Variants in RNF180 observed in about 807,000 individuals in gnomAD.
RNF180 encodes ring finger protein 180.
In RNF180, 38 loss-of-function variants were observed where a neutral mutation model predicts 59.2. That is an observed-to-expected ratio of 0.64 (90% confidence interval 0.50 to 0.84). RNF180 has a LOEUF of 0.84. RNF180 is among the 40% of genes least tolerant of loss of function. The pLI is 0.00. For missense variants in RNF180, 705 were observed against 700.9 expected (o/e 1.01, Z -0.07); for synonymous variants, 262 against 240.3 (o/e 1.09, Z -0.84).
intron 5 of RNF180, among the ~76,000 whole-genome samples, chr5:64,274,458 G>C (rs1286505042): frequency 6.6e-6 from 1 of 151,618 alleles, no homozygotes; most frequent in Non-Finnish European, 1.5e-5. Context: ...GGCATGTTTC[G>C]TAATTTATAA....
At chr5:64,255,176 T>C (rs1399606481) in intron 5 of RNF180, among the ~76,000 whole-genome samples, 2 of 152,200 alleles carry the variant, frequency 1.3e-5, no homozygotes, top group African/African-American at 4.8e-5. Flanking sequence ...TGGTATATTT[T>C]ATTTATCCAG....
chr5:64,225,244 A>G (rs1172327334), intron 5 of RNF180, among the ~76,000 whole-genome samples: 1 of 152,230 alleles, frequency 6.6e-6, no homozygotes, highest in Non-Finnish European at 1.5e-5. Context: ...GGCCTTACGC[A>G]TAGGAAAAAC....
intron 7 of RNF180, among the ~76,000 whole-genome samples, chr5:64,356,232 A>AG (rs1746019306): frequency 6.6e-6 from 1 of 151,868 alleles, no homozygotes; most frequent in Non-Finnish European, 1.5e-5. Flanking sequence ...ACTGCACTAC[A>AG]GCCTGGCTGA....
At chr5:64,326,330 T>C (rs952066160) in intron 6 of RNF180, among the ~76,000 whole-genome samples, 3 of 152,156 alleles carry the variant, frequency 2.0e-5, no homozygotes, top group Non-Finnish European at 2.9e-5. Context: ...ATTATTAATA[T>C]GGACAAATTT....
chr5:64,325,357 A>G lies in RNF180; in HGVS notation c.1399A>G (p.Ser467Gly). The G allele has an allele frequency of 6.4e-7, 1 of 1,551,730 alleles. No homozygotes were observed. Among genetic ancestry groups the G allele is most frequent in the South Asian group, 1.2e-5 (1 of 84,062 alleles). ...GACTCTGGCCAAAGACAATCCTTCA[A>G]GCACTCCATGCCCATTGTGTCGGAC... ...LRTLAKDNPS[S>G]TPCPLCRTII... Residue 467 changes from serine (S) to glycine (G), a missense_variant, in exon 6 of 8, where the codon AGC becomes GGC. By Grantham distance (56) the Ser-to-Gly change is moderately conservative. Coordinates refer to ENST00000389100, the MANE Select transcript of RNF180 (RefSeq NM_001113561.2).
intron 1 of RNF180, among the ~76,000 whole-genome samples, chr5:64,199,277 T>C (rs144191828): frequency 5.1e-4 from 78 of 152,340 alleles, no homozygotes; most frequent in African/African-American, 1.7e-3. Context: ...GAGCCAGAGT[T>C]CTTTAAGTCC....
At chr5:64,333,203 A>G (rs2112544245) in intron 7 of RNF180, among the ~76,000 whole-genome samples, 1 of 152,254 alleles carries the variant, frequency 6.6e-6, no homozygotes, top group South Asian at 2.1e-4. Context: ...TTTGAGACAA[A>G]GTCTGGCTCT....
intron 5 of RNF180, among the ~76,000 whole-genome samples, chr5:64,233,049 T>TA (rs1179763100): frequency 6.6e-6 from 1 of 152,208 alleles, no homozygotes; most frequent in Non-Finnish European, 1.5e-5. Context: ...TAAGTTGGCT[T>TA]AAACCATGGG....
At chr5:64,230,832 C>T (rs1561205469) in intron 5 of RNF180, among the ~76,000 whole-genome samples, 1 of 152,168 alleles carries the variant, frequency 6.6e-6, no homozygotes, top group Non-Finnish European at 1.5e-5. Flanking sequence ...CTCTAACTTT[C>T]TTTGGAATTT....
chr5:64,191,425 A>G (rs545543460), intron 1 of RNF180, among the ~76,000 whole-genome samples: 28 of 152,310 alleles, frequency 1.8e-4, no homozygotes, highest in African/African-American at 6.7e-4. Flanking sequence ...TTACTGCCCT[A>G]AAATTCTCCT....
At chr5:64,320,284 A>G (rs1744280965) in intron 5 of RNF180, among the ~76,000 whole-genome samples, 1 of 152,204 alleles carries the variant, frequency 6.6e-6, no homozygotes. Context: ...TGACAACACC[A>G]TGGGAACTCC....
intron 5 of RNF180, among the ~76,000 whole-genome samples, chr5:64,238,885 G>T (rs569608530): frequency 1.6e-4 from 24 of 151,930 alleles, no homozygotes; most frequent in Non-Finnish European, 3.2e-4. Context: ...TGCTTTTGTT[G>T]TCATATTCAT....
intron 5 of RNF180, among the ~76,000 whole-genome samples, chr5:64,219,715 T>C (rs1752812443): frequency 6.6e-6 from 1 of 151,966 alleles, no homozygotes; most frequent in Non-Finnish European, 1.5e-5. Context: ...GAGATGGGGT[T>C]TCACCATGTT....
At chr5:64,272,831 A>G (rs1741495199) in intron 5 of RNF180, among the ~76,000 whole-genome samples, 1 of 151,930 alleles carries the variant, frequency 6.6e-6, no homozygotes, top group Admixed American at 6.6e-5. Flanking sequence ...AGTTAAAGAA[A>G]ATTAAAAGTA....
intron 5 of RNF180, among the ~76,000 whole-genome samples, chr5:64,295,134 A>G (rs953589128): frequency 6.6e-6 from 1 of 152,148 alleles, no homozygotes; most frequent in African/African-American, 2.4e-5. Flanking sequence ...GTAGCATTTC[A>G]TTATGTGAAT....
At chr5:64,309,919 A>G (rs1743677404) in intron 5 of RNF180, among the ~76,000 whole-genome samples, 1 of 151,714 alleles carries the variant, frequency 6.6e-6, no homozygotes, top group African/African-American at 2.4e-5. Flanking sequence ...TTAACAGTCA[A>G]AGGAACAAAG....
intron 5 of RNF180, among the ~76,000 whole-genome samples, chr5:64,269,349 G>T (rs1291478769): frequency 6.6e-6 from 1 of 152,084 alleles, no homozygotes; most frequent in East Asian, 1.9e-4. Context: ...GCAATCTGTT[G>T]TAATTTTAAA....
chr5:64,172,441 C>T (rs569809970), intron 1 of RNF180, among the ~76,000 whole-genome samples: 3 of 151,806 alleles, frequency 2.0e-5, no homozygotes, highest in South Asian at 4.2e-4. Context: ...AGTTGGGATG[C>T]TAAGAGTAAA....
intron 5 of RNF180, among the ~76,000 whole-genome samples, chr5:64,324,970 C>T (rs933470196): frequency 7.9e-5 from 12 of 152,108 alleles, no homozygotes; most frequent in Non-Finnish European, 1.0e-4. Context: ...TAGCACTTAG[C>T]ACTATGTCAC....
Sources: gnomAD v4.1 joint callset for allele counts (sites outside exome capture counted in the v4.1 genomes callset) on GRCh38, gnomAD v4.1.1 for gene constraint, MANE v1.5 for transcripts, NCBI Gene and HGNC (gene_info 2026-07-23, HGNC 2026-07-21) for gene names.